The following RPF1 variants were observed in gnomAD, a reference collection of about 807,000 sequenced individuals.
RPF1 encodes the protein ribosome production factor 1 homolog.
A neutral mutation model predicts 41.9 loss-of-function variants in RPF1; 34 were observed. The ratio of observed to expected loss-of-function variants is 0.81; its 90% CI spans 0.62 to 1.08. The LOEUF (loss-of-function observed/expected upper bound fraction) is 1.08, where lower values mean the gene tolerates loss of function less well. Ranked by LOEUF, RPF1 falls within the 50% of genes least tolerant of loss-of-function variation. RPF1 has a pLI of 0.00. For synonymous variants in RPF1, 140 were observed against 148.9 expected (o/e 0.94, Z 0.43); for missense variants, 425 against 435.2 (o/e 0.98, Z 0.21).
chr1:84,489,672 T>A lies in RPF1; in HGVS notation c.406T>A (p.Phe136Ile). The A allele has an allele frequency of 1.2e-6, 2 of 1,610,432 alleles. No homozygotes were observed. The highest frequency in any genetic ancestry group is 1.7e-6 in the Non-Finnish European group (2 of 1,176,764). The change falls in exon 4 of 9, where the codon TTC (phenylalanine) becomes ATC (isoleucine). Residue 136 changes from phenylalanine (F) to isoleucine (I), a missense_variant. Transcript: ENST00000370654. Reference protein sequence around the residue: ...DEATDEFASYFNKQTSPKILI... With the variant: ...DEATDEFASYINKQTSPKILI... ...AGCTACAGATGAATTTGCTTCTTAC[T>A]TCAACAAACAGACTTCTCCCAAGAT...
intron 7 of RPF1, 68 bp downstream of exon 7, chr1:84,496,131 T>C: frequency 6.8e-7 from 1 of 1,480,248 alleles, no homozygotes; most frequent in South Asian, 1.3e-5. Context: ...GAACTAATTT[T>C]CCAACATATT....
intron 3 of RPF1, among the ~76,000 whole-genome samples, chr1:84,484,875 T>C (rs1415775020): frequency 6.6e-6 from 1 of 152,114 alleles, no homozygotes; most frequent in Non-Finnish European, 1.5e-5. Flanking sequence ...GGTTTCACCA[T>C]GTTGGCCAGG....
intron 8 of RPF1, among the ~76,000 whole-genome samples, chr1:84,496,734 G>C (rs983701107): frequency 1.2e-4 from 18 of 152,078 alleles, no homozygotes; most frequent in Non-Finnish European, 1.6e-4. Flanking sequence ...CAATTTAGGG[G>C]GTGGGACCCA....
intron 3 of RPF1, 86 bp downstream of exon 3, chr1:84,483,081 C>G (rs1348377231): frequency 4.7e-6 from 4 of 848,488 alleles, no homozygotes; most frequent in Non-Finnish European, 7.7e-6. Context: ...AAAGTGCTGG[C>G]TGGCCAAGTT....
At chr1:84,486,098 A>G (rs1458197129) in intron 3 of RPF1, among the ~76,000 whole-genome samples, 1 of 152,178 alleles carries the variant, frequency 6.6e-6, no homozygotes, top group Admixed American at 6.5e-5. Context: ...GCTCCAAGGC[A>G]GGAGTGTATC....
chr1:84,494,825 A>G (rs910296452), intron 5 of RPF1, among the ~76,000 whole-genome samples: 1 of 152,200 alleles, frequency 6.6e-6, no homozygotes, highest in Non-Finnish European at 1.5e-5. Flanking sequence ...GGGTACAGTA[A>G]TCCTAAGTAA....
chr1:84,479,440 C>T lies in RPF1; in HGVS notation c.159C>T (p.Ser53=), dbSNP rs143236957. 5.1e-4 allele frequency: 828 copies of T among 1,614,244 alleles called. 4 individuals are homozygous for T. The African/African-American group carries it at 0.011, about 20-fold the overall frequency. ...PKAAAFPPGF[S]ISEIKNKQRR... ...CGGCTGCCTTTCCGCCAGGCTTTAG[C>T]ATTTCGGAGATTAAAAACAAACAGC... The change falls in exon 1 of 9, where the codon AGC becomes AGT. Residue 53 remains serine (S), a synonymous_variant. Coordinates refer to ENST00000370654, the MANE Select transcript of RPF1 (RefSeq NM_025065.7).
intron 5 of RPF1, among the ~76,000 whole-genome samples, chr1:84,492,006 C>A (rs1459541768): frequency 3.3e-5 from 5 of 152,090 alleles, no homozygotes; most frequent in African/African-American, 1.2e-4. Context: ...ACTAAAAATA[C>A]AAAAATTAGT....
intron 1 of RPF1, among the ~76,000 whole-genome samples, chr1:84,480,138 A>G (rs995277053): frequency 6.6e-6 from 1 of 152,130 alleles, no homozygotes; most frequent in African/African-American, 2.4e-5. Context: ...TTCACACAAT[A>G]TTATTATTAT....
intron 2 of RPF1, 67 bp downstream of exon 2, chr1:84,481,079 G>T: frequency 1.2e-6 from 1 of 840,834 alleles, no homozygotes; most frequent in Non-Finnish European, 1.9e-6. Flanking sequence ...TATTTAAGTT[G>T]AATTACTTTC....
At chr1:84,480,273 G>T (rs1274005791) in intron 1 of RPF1, among the ~76,000 whole-genome samples, 1 of 152,210 alleles carries the variant, frequency 6.6e-6, no homozygotes, top group Admixed American at 6.5e-5. Flanking sequence ...ACGTATTGGG[G>T]AGGGATGTCC....
rs753756463 is a variant in RPF1, at chr1:84,497,412, T to C, written c.1009-17T>C. ...TGTTTTGTTTTCTTCCTCCACTCCC[T>C]TGCTTTCCACTTTCAGCCCCGGGAA... On this transcript the variant is annotated splice_polypyrimidine_tract_variant and intron_variant, in intron 8 of 8. Transcript: ENST00000370654. The C allele has an allele frequency of 7.5e-6, 12 of 1,607,676 alleles. No homozygotes were observed. Among genetic ancestry groups the C allele is most frequent in the African/African-American group, 4.0e-5 (3 of 74,568 alleles).
chr1:84,482,800 G>A (rs1292995245), intron 2 of RPF1, 115 bp from the exon 3 acceptor site: 1 of 607,772 alleles, frequency 1.6e-6, no homozygotes, highest in Non-Finnish European at 3.0e-6. Context: ...GAAGTGGATT[G>A]ATATGAGGAA....
intron 5 of RPF1, among the ~76,000 whole-genome samples, chr1:84,492,294 A>G (rs765004969): frequency 4.6e-5 from 7 of 152,222 alleles, no homozygotes; most frequent in African/African-American, 9.6e-5. Context: ...TTCTAGGAAC[A>G]TGGCGTCTTT....
Position 84,479,294 on chromosome 1 carries a change from G to C in RPF1, c.13G>C (p.Gly5Arg), listed in dbSNP as rs929194758. The change falls in exon 1 of 9, where the codon GGG (glycine) becomes CGG (arginine). Residue 5 changes from glycine (G) to arginine (R), a missense_variant. Transcript: ENST00000370654. ...AGGAGCCAAGACCATGGCGAAAGCC[G>C]GGGATAAGAGCAGCAGCAGCGGGAA... MAKA[G>R]DKSSSSGKKS... 2 of 1,599,748 alleles carry C rather than the reference G, an allele frequency of 1.3e-6. No homozygotes were observed. The highest frequency in any genetic ancestry group is 1.7e-6 in the Non-Finnish European group (2 of 1,173,470).
At chr1:84,487,602 T>C (rs546963481) in intron 3 of RPF1, among the ~76,000 whole-genome samples, 1 of 152,286 alleles carries the variant, frequency 6.6e-6, no homozygotes, top group South Asian at 2.1e-4. Context: ...CTTGATGTAG[T>C]TGAGTTTTTG....
chr1:84,482,754 T>G (rs555573563), intron 2 of RPF1, among the ~76,000 whole-genome samples, 161 bp from the exon 3 acceptor site: 42 of 151,826 alleles, frequency 2.8e-4, no homozygotes, highest in African/African-American at 9.9e-4. Flanking sequence ...AAAAAGCCTC[T>G]TATTCAATAT....
Position 84,495,974 on chromosome 1 carries a change from ATC to A in RPF1, c.798_799del (p.Phe267SerfsTer3), listed in dbSNP as rs763422975. The part of the protein sequence containing the change: ...LGHSIGRMFA[S>X]LFPHNPQFIG... ...GTCATTCAATTGGACGTATGTTTGCATCTCTCTTTCCTCATAATCCTCAATTT... is the reference window on the plus strand; with the variant it reads ...GTCATTCAATTGGACGTATGTTTGCATCTCTTTCCTCATAATCCTCAATTT... On this transcript the variant is annotated frameshift_variant, in exon 7 of 9. Transcript: ENST00000370654. LOFTEE classifies it high-confidence loss of function. 7.5e-6 allele frequency: 12 copies of A among 1,609,740 alleles called. No individual in the cohort carries two copies. The highest frequency in any genetic ancestry group is 2.2e-5 in the East Asian group (1 of 44,862).
chr1:84,480,015 T>G (rs1681614877), intron 1 of RPF1, among the ~76,000 whole-genome samples: 1 of 152,222 alleles, frequency 6.6e-6, no homozygotes, highest in Non-Finnish European at 1.5e-5. Context: ...TTCTGGTAGG[T>G]AAACAAACTG....
Sources: allele counts gnomAD v4.1 joint callset (sites outside exome capture counted in the v4.1 genomes callset), GRCh38; gene constraint gnomAD v4.1.1; transcripts MANE v1.5; gene names NCBI Gene and HGNC (gene_info 2026-07-23, HGNC 2026-07-21).